The following BDP1 variants were observed in gnomAD, a reference collection of about 807,000 sequenced individuals.
BDP1 encodes the protein BDP1 general transcription factor IIIB subunit, also known as transcription factor TFIIIB component B'' homolog.
BDP1 carries 169 observed loss-of-function variants against 266.6 expected under a neutral mutation model. That is an observed-to-expected ratio of 0.63 (90% confidence interval 0.56 to 0.72). The LOEUF (loss-of-function observed/expected upper bound fraction) is 0.72, where lower values mean the gene tolerates loss of function less well. Ranked by LOEUF, BDP1 falls within the 30% of genes least tolerant of loss-of-function variation. The pLI is 0.00. For missense variants in BDP1, 3,015 were observed against 3,053.8 expected (o/e 0.99, Z 0.30); for synonymous variants, 1,090 against 1,022.4 (o/e 1.07, Z -1.26).
chr5:71,539,015 G>A, intron 26 of BDP1, 27 bp from the exon 27 acceptor site: 1 of 1,498,620 alleles, frequency 6.7e-7, no homozygotes. Context: ...AGTATTTTAA[G>A]ATGTTACTTA....
chr5:71,525,444 ACAC>A (rs528681200), intron 25 of BDP1, among the ~76,000 whole-genome samples: 1 of 106,802 alleles, frequency 9.4e-6, no homozygotes. Context: ...CGGGGGGCTG[ACAC>A]CCCCCACCTC....
At chr5:71,517,806 G>C (rs938736555) in intron 22 of BDP1, among the ~76,000 whole-genome samples, 18 of 152,104 alleles carry the variant, frequency 1.2e-4, no homozygotes, top group African/African-American at 4.1e-4. Flanking sequence ...GTTCACGCCT[G>C]TAATCTCCCA....
intron 11 of BDP1, among the ~76,000 whole-genome samples, chr5:71,494,101 T>G (rs1431147495): frequency 6.6e-6 from 1 of 152,204 alleles, no homozygotes; most frequent in African/African-American, 2.4e-5. Flanking sequence ...AATTAAATAC[T>G]TCTGTTAACA....
chr5:71,570,116 C>A (rs1418976053), downstream of BDP1, among the ~76,000 whole-genome samples: 1 of 152,156 alleles, frequency 6.6e-6, no homozygotes, highest in African/African-American at 2.4e-5. Context: ...AGGATGGGCT[C>A]CTGTGAGAAG....
intron 25 of BDP1, 119 bp downstream of exon 25, chr5:71,524,442 T>G (rs1765665016): frequency 2.8e-6 from 3 of 1,087,360 alleles, no homozygotes; most frequent in Non-Finnish European, 3.9e-6. Flanking sequence ...GTTCATTCTC[T>G]AAATAACCTC....
intron 22 of BDP1, among the ~76,000 whole-genome samples, chr5:71,521,571 C>T (rs1249324219): frequency 3.3e-5 from 5 of 152,090 alleles, no homozygotes; most frequent in East Asian, 1.9e-4. Context: ...GGATTACAGG[C>T]GTGAGCCACC....
chr5:71,560,722 G>A lies in BDP1; in HGVS notation c.7496+485G>A, dbSNP rs1323022251. Among the ~76,000 whole-genome samples the A allele has an allele frequency of 3.3e-5, 5 of 152,314 alleles. No homozygotes were observed. In the East Asian group the frequency reaches 7.7e-4, roughly 23 times the overall value. On this transcript the variant is annotated intron_variant, in intron 37 of 38. Transcript: ENST00000358731. ...CTCACAATTTCCTCATATTCTAGAA[G>A]CAATGATTATCAATAATTATTGGCT...
chr5:71,502,321 C>T (rs879386466), intron 14 of BDP1, among the ~76,000 whole-genome samples: 1 of 151,510 alleles, frequency 6.6e-6, no homozygotes, highest in Non-Finnish European at 1.5e-5. Context: ...ATTGCAGGCG[C>T]CCACCACCAC....
intron 21 of BDP1, among the ~76,000 whole-genome samples, chr5:71,516,915 T>C (rs1445509390): frequency 6.6e-6 from 1 of 152,188 alleles, no homozygotes; most frequent in African/African-American, 2.4e-5. Context: ...AATTAAACTT[T>C]GTTTATTTTT....
chr5:71,546,656 G>GA (rs1159705738), intron 32 of BDP1, among the ~76,000 whole-genome samples: 1 of 137,112 alleles, frequency 7.3e-6, no homozygotes. Context: ...CCAAAAAACT[G>GA]AATCATTTGA....
chr5:71,544,811 C>T (rs943006681), intron 31 of BDP1, among the ~76,000 whole-genome samples: 2 of 130,636 alleles, frequency 1.5e-5, no homozygotes, highest in Non-Finnish European at 3.1e-5. Context: ...ACCTGGGAGA[C>T]GGAGCTTGCA....
intron 37 of BDP1, among the ~76,000 whole-genome samples, chr5:71,561,293 C>T (rs1252718792): frequency 2.0e-5 from 3 of 152,070 alleles, no homozygotes; most frequent in African/African-American, 7.2e-5. Flanking sequence ...CCCAGTGACT[C>T]AGGAGGCTGA....
At chr5:71,523,796 C>A in intron 24 of BDP1, 143 bp from the exon 25 acceptor site, 6 of 775,186 alleles carry the variant, frequency 7.7e-6, no homozygotes, top group Non-Finnish European at 1.2e-5. Context: ...TTTTTATTTT[C>A]ACAGCATAAG....
At position 71,472,853 on chromosome 5, in the gene BDP1, C is replaced by G. The variant is rs7732012; in HGVS notation, c.1014+2364C>G. Among the ~76,000 whole-genome samples, 334 of 142,666 alleles carry G rather than the reference C, an allele frequency of 2.3e-3. 1 individual carries two copies. Among genetic ancestry groups the G allele is most frequent in the African/African-American group, 7.4e-3 (288 of 39,016 alleles). The allele number at this position is 142,666 out of a possible 152,430, so 93.6% of individuals were successfully genotyped here. A position where few individuals can be genotyped will look rare whatever the true frequency, so the allele number is the denominator to read the frequency against. On this transcript the variant is annotated intron_variant, in intron 7 of 38. Transcript: ENST00000358731. Reference sequence around the variant, plus strand: ...AGGAAGAGTTTATTTTATAAATATACTCTTTCATTGATAATTTGTATTTTC... The same window carrying G: ...AGGAAGAGTTTATTTTATAAATATAGTCTTTCATTGATAATTTGTATTTTC...
chr5:71,561,820 A>T (rs567045445), intron 37 of BDP1, among the ~76,000 whole-genome samples: 43 of 152,310 alleles, frequency 2.8e-4, no homozygotes, highest in Non-Finnish European at 5.0e-4. Flanking sequence ...TTTTAATAAG[A>T]TCCCCAAGTG....
chr5:71,523,005 T>C (rs1377579266), intron 24 of BDP1, 56 bp downstream of exon 24: 1 of 1,438,072 alleles, frequency 7.0e-7, no homozygotes, highest in East Asian at 2.4e-5. Context: ...CACTTAACTT[T>C]TACCTTAACT....
chr5:71,528,270 G>C (rs1766034561), intron 25 of BDP1, among the ~76,000 whole-genome samples: 1 of 152,140 alleles, frequency 6.6e-6, no homozygotes, highest in Non-Finnish European at 1.5e-5. Context: ...TGTAACTTTG[G>C]CTAGTAATCA....
chr5:71,559,044 C>T (rs557391032), intron 36 of BDP1, among the ~76,000 whole-genome samples: 1 of 151,690 alleles, frequency 6.6e-6, no homozygotes, highest in Middle Eastern at 3.4e-3. Flanking sequence ...ATCCCAGCTA[C>T]TCGGGAGGCT....
chr5:71,568,698 A>G (rs1430277894), downstream of BDP1, among the ~76,000 whole-genome samples: 2 of 152,182 alleles, frequency 1.3e-5, no homozygotes, highest in Non-Finnish European at 2.9e-5. Flanking sequence ...CTGAACTTTA[A>G]CAGTATTTAC....
Sources: gnomAD v4.1 joint callset for allele counts (sites outside exome capture counted in the v4.1 genomes callset) on GRCh38, gnomAD v4.1.1 for gene constraint, MANE v1.5 for transcripts, NCBI Gene and HGNC (gene_info 2026-07-23, HGNC 2026-07-21) for gene names.